The following AOPEP variants were observed in gnomAD, a reference collection of about 807,000 sequenced individuals.
AOPEP encodes aminopeptidase O.
In AOPEP, 77 loss-of-function variants were observed where a neutral mutation model predicts 98.1. The observed-to-expected ratio is 0.78, with a 90% CI of 0.65 to 0.95. The LOEUF is 0.95. AOPEP is among the 40% of genes least tolerant of loss of function. AOPEP has a pLI of 0.00. For missense variants in AOPEP, 1,024 were observed against 1,024.7 expected (o/e 1.00, Z 0.01); for synonymous variants, 346 against 365.3 (o/e 0.95, Z 0.60).
At chr9:94,811,831 T>C (rs1259359737) in intron 5 of AOPEP, among the ~76,000 whole-genome samples, 1 of 152,200 alleles carries the variant, frequency 6.6e-6, no homozygotes, top group Non-Finnish European at 1.5e-5. Context: ...ATGGTCCAGG[T>C]TCATCTCTCT....
intron 1 of AOPEP, among the ~76,000 whole-genome samples, chr9:94,757,379 C>T (rs1837292734): frequency 6.6e-6 from 1 of 152,174 alleles, no homozygotes; most frequent in African/African-American, 2.4e-5. Context: ...GGGTGACAAA[C>T]GTTTCATCAC....
chr9:95,147,843 A>G, the AOPEP span, among the ~76,000 whole-genome samples: 3 of 152,184 alleles, frequency 2.0e-5, no homozygotes, highest in Non-Finnish European at 4.4e-5. Context: ...CTTACAATAG[A>G]ATCTCTGGAC....
intron 13 of AOPEP, among the ~76,000 whole-genome samples, chr9:95,016,540 G>A (rs552626349): frequency 5.3e-5 from 8 of 151,794 alleles, no homozygotes; most frequent in East Asian, 2.0e-4. Context: ...ACCGCGCCAG[G>A]CCCTTTTGTG....
intron 5 of AOPEP, among the ~76,000 whole-genome samples, chr9:94,852,486 A>G (rs2043676248): frequency 6.6e-6 from 1 of 152,218 alleles, no homozygotes; most frequent in South Asian, 2.1e-4. Flanking sequence ...GAAGACAGAT[A>G]CTTCTTCATG....
At chr9:94,928,729 T>A in intron 7 of AOPEP, 198 bp downstream of exon 7, 1 of 526,108 alleles carries the variant, frequency 1.9e-6, no homozygotes, top group Non-Finnish European at 3.4e-6. Context: ...ATTTTCCTGG[T>A]GACTGTTTAG....
chr9:95,114,326 G>C, the AOPEP span: 424 of 399,168 alleles, frequency 1.1e-3, 4 homozygotes, highest in Middle Eastern at 2.4e-3. Flanking sequence ...TTTTTCCAAG[G>C]CCTCTTCTTT....
chr9:94,962,832 A>C (rs955684812), intron 9 of AOPEP, among the ~76,000 whole-genome samples: 2 of 146,264 alleles, frequency 1.4e-5, no homozygotes, highest in African/African-American at 5.2e-5. Flanking sequence ...TTGTGGGTTC[A>C]CGCCATTCTC....
chr9:94,767,733 A>G (rs1839938176), intron 2 of AOPEP, among the ~76,000 whole-genome samples: 1 of 152,242 alleles, frequency 6.6e-6, no homozygotes, highest in African/African-American at 2.4e-5. Flanking sequence ...TGAAGAAGTG[A>G]TGAATTTCTG....
At chr9:95,068,841 T>C (rs2068183558) in intron 14 of AOPEP, among the ~76,000 whole-genome samples, 1 of 152,124 alleles carries the variant, frequency 6.6e-6, no homozygotes, top group South Asian at 2.1e-4. Context: ...GAGGGAAGGC[T>C]GAGTTTCTTT....
At chr9:95,080,616 A>G in intron 14 of AOPEP, 78 bp from the exon 15 acceptor site, 1 of 928,170 alleles carries the variant, frequency 1.1e-6, no homozygotes, top group Non-Finnish European at 1.8e-6. Context: ...CGGAATACAG[A>G]GGCTGCCTGT....
chr9:95,072,858 C>G (rs1564604286), intron 14 of AOPEP, among the ~76,000 whole-genome samples: 1 of 152,198 alleles, frequency 6.6e-6, no homozygotes, highest in Non-Finnish European at 1.5e-5. Context: ...TGCCATTTTT[C>G]TAGCATTGCA....
At chr9:94,959,047 G>A (rs1410225375) in intron 9 of AOPEP, among the ~76,000 whole-genome samples, 1 of 151,058 alleles carries the variant, frequency 6.6e-6, no homozygotes, top group Non-Finnish European at 1.5e-5. Flanking sequence ...TTGAATTAAT[G>A]TTTTTGTTTT....
chr9:95,077,878 C>G (rs1272581771), intron 14 of AOPEP, among the ~76,000 whole-genome samples: 3 of 152,136 alleles, frequency 2.0e-5, no homozygotes, highest in Non-Finnish European at 4.4e-5. Flanking sequence ...CTTTGTTTCT[C>G]AAAGGAACGA....
rs963045436 is a variant in AOPEP, at chr9:94,955,290, G to A, written c.1764+11G>A. On this transcript the variant is annotated intron_variant, in intron 8 of 16. Coordinates refer to ENST00000375315, the MANE Select transcript of AOPEP (RefSeq NM_001193329.3). Reference sequence around the variant, plus strand: ...GTGCATTATTTAAAGGTAAGCACATGTCAGTTGCAGAAGCCAGTGATTGTG... The same window carrying A: ...GTGCATTATTTAAAGGTAAGCACATATCAGTTGCAGAAGCCAGTGATTGTG... The A allele has an allele frequency of 3.2e-6, 5 of 1,562,786 alleles. No homozygotes were observed. The highest frequency in any genetic ancestry group is 4.4e-6 in the Non-Finnish European group (5 of 1,139,844).
At chr9:95,053,183 T>TA (rs1184063989) in intron 13 of AOPEP, among the ~76,000 whole-genome samples, 25 of 152,210 alleles carry the variant, frequency 1.6e-4, no homozygotes, top group African/African-American at 6.0e-4. Context: ...GAAATACTTG[T>TA]AGCATGATTT....
intron 7 of AOPEP, among the ~76,000 whole-genome samples, chr9:94,943,950 G>A (rs537379293): frequency 1.8e-3 from 242 of 132,450 alleles, no homozygotes; most frequent in Non-Finnish European, 3.0e-3. Context: ...AAAAAAAACA[G>A]GTCAATCTAA....
At chr9:95,016,030 A>G (rs1005356160) in intron 13 of AOPEP, among the ~76,000 whole-genome samples, 13 of 151,958 alleles carry the variant, frequency 8.6e-5, no homozygotes, top group Non-Finnish European at 1.3e-4. Context: ...TCTTTGGCTC[A>G]TAAATGTGAA....
At chr9:94,796,406 A>G (rs1846942360) in intron 4 of AOPEP, among the ~76,000 whole-genome samples, 1 of 152,202 alleles carries the variant, frequency 6.6e-6, no homozygotes, top group Admixed American at 6.5e-5. Context: ...GTTTTCATCC[A>G]TTACATGTCT....
the AOPEP span, chr9:95,126,623 C>G: frequency 6.2e-7 from 1 of 1,602,066 alleles, no homozygotes; most frequent in Non-Finnish European, 8.6e-7. Context: ...ATATCACAAG[C>G]ACTTTCTCAG....
Sources: allele counts gnomAD v4.1 joint callset (sites outside exome capture counted in the v4.1 genomes callset), GRCh38; gene constraint gnomAD v4.1.1; transcripts MANE v1.5; gene names NCBI Gene and HGNC (gene_info 2026-07-23, HGNC 2026-07-21).